TSC2: variants seen among roughly 807,000 people sequenced by gnomAD.
TSC2 encodes tuberin.
Under a neutral mutation model 202.2 loss-of-function variants are expected in TSC2, and 29 were observed. The ratio of observed to expected loss-of-function variants is 0.14; its 90% confidence interval spans 0.11 to 0.20. The LOEUF (loss-of-function observed/expected upper bound fraction) is 0.20, where lower values mean the gene tolerates loss of function less well. TSC2 is among the 10% of genes least tolerant of loss of function. TSC2 has a pLI of 1.00. For missense variants in TSC2, 2,429 were observed against 2,420.0 expected (o/e 1.00, Z -0.08); for synonymous variants, 1,349 against 1,044.0 (o/e 1.29, Z -5.63).
intron 15 of TSC2, 33 bp downstream of exon 15, chr16:2,064,460 G>A: frequency 6.2e-7 from 1 of 1,611,758 alleles, no homozygotes; most frequent in Non-Finnish European, 8.5e-7. Context: ...CCGGGTGCTA[G>A]CGTGCCAGAG....
At chr16:2,061,162 T>C (rs1162956060) in intron 11 of TSC2, 1 of 384,674 alleles carries the variant, frequency 2.6e-6, no homozygotes, top group African/African-American at 2.1e-5. Context: ...CGCATGACTT[T>C]GGAGGACCGC....
chr16:2,086,462 G>A (rs2090806758), intron 37 of TSC2, 83 bp downstream of exon 37: 4 of 1,549,320 alleles, frequency 2.6e-6, no homozygotes, highest in Admixed American at 1.9e-5. Context: ...CACGCCCTGG[G>A]GCATGGCCCT....
At position 2,050,498 on chromosome 16, in the gene TSC2, C is replaced by T. The variant is rs886038352; in HGVS notation, c.225+12C>T. The stretch of plus-strand genomic sequence containing the variant: ...AGAAATTTGAAGAGGTAGGTTTATC[C>T]AGTTGAGCTACTAGAGAGAGGCACG... On this transcript the variant is annotated intron_variant, in intron 3 of 41. Transcript: ENST00000219476. 2 of 1,612,364 alleles carry T rather than the reference C, an allele frequency of 1.2e-6. No homozygotes were observed. Among genetic ancestry groups the T allele is most frequent in the Non-Finnish European group, 1.7e-6 (2 of 1,178,922 alleles).
chr16:2,088,586 G>C lies in TSC2; in HGVS notation c.5400G>C (p.Val1800=), dbSNP rs777327091. The part of the protein sequence containing the change: ...VGQRKRLISS[V]EDFTEFV ...AGCGGAAGCGCCTCATCTCCTCGGTGGAGGACTTCACCGAGTTTGTGTGAG... is the reference window on the plus strand; with the variant it reads ...AGCGGAAGCGCCTCATCTCCTCGGTCGAGGACTTCACCGAGTTTGTGTGAG... Residue 1800 remains valine, a synonymous_variant, in exon 42 of 42, where the codon GTG becomes GTC. Transcript: ENST00000219476. 7 of 1,606,584 alleles carry C rather than the reference G, an allele frequency of 4.4e-6. No homozygotes were observed. In the East Asian group the frequency reaches 1.6e-4, roughly 36 times the overall value.
In TSC2 at chr16:2,055,760, G is replaced by T. The variant is rs534820975; in HGVS notation, c.599+241G>T. 4.6e-3 allele frequency: 2,226 copies of T among 488,580 alleles called. 7 individuals carry two copies. The highest frequency in any genetic ancestry group is 6.5e-3 in the Non-Finnish European group (1,720 of 266,424). The allele number at this position is 488,580 out of a possible 1,614,324, so 30.3% of individuals were successfully genotyped here. ...ACAAAAATTAGCCGGGCATGGTGGTGGGAGCCTGTAATCCCAGCTACTCAG... is the reference window on the plus strand; with the variant it reads ...ACAAAAATTAGCCGGGCATGGTGGTTGGAGCCTGTAATCCCAGCTACTCAG... On this transcript the variant is annotated intron_variant, in intron 6 of 41. Coordinates refer to ENST00000219476, the MANE Select transcript of TSC2 (RefSeq NM_000548.5).
chr16:2,088,269 A>G lies in TSC2; in HGVS notation c.5203A>G (p.Ile1735Val), dbSNP rs781407050. The change falls in exon 41 of 42, where the codon ATC (isoleucine) becomes GTC (valine). Residue 1735 changes from isoleucine to valine, a missense_variant. By Grantham distance (29) the Ile-to-Val change is conservative (BLOSUM62 3). Coordinates refer to ENST00000219476, the MANE Select transcript of TSC2 (RefSeq NM_000548.5). ...VHHSRSNPTD[I>V]YPSKWIARLR... Reference sequence around the variant, plus strand: ...TCATAGCCGCTCCAACCCCACCGATATCTACCCCTCCAAGTGGATTGCCCG... The same window carrying G: ...TCATAGCCGCTCCAACCCCACCGATGTCTACCCCTCCAAGTGGATTGCCCG... 3.7e-6 allele frequency: 6 copies of G among 1,613,072 alleles called. No individual in the cohort carries two copies. The highest frequency in any genetic ancestry group is 5.1e-6 in the Non-Finnish European group (6 of 1,180,004).
chr16:2,065,423 A>T (rs1038363863), intron 15 of TSC2, 96 bp from the exon 16 acceptor site: 19 of 714,626 alleles, frequency 2.7e-5, no homozygotes, highest in Non-Finnish European at 4.3e-5. Context: ...AAAAAAAAAA[A>T]AAAAAAAAAA....
chr16:2,080,059 CTGCCTG>C (rs2089933907), intron 29 of TSC2, 100 bp from the exon 30 acceptor site: 3 of 1,465,712 alleles, frequency 2.0e-6, no homozygotes, highest in Non-Finnish European at 2.8e-6. Flanking sequence ...CCGTCTCTGG[CTGCCTG>C]TGGCACTAGC....
At position 2,077,708 on chromosome 16, in the gene TSC2, C is replaced by G. The variant is rs759786102; in HGVS notation, c.2948C>G (p.Ser983Cys). 13 of 1,612,848 alleles carry G rather than the reference C, an allele frequency of 8.1e-6. No individual in the cohort carries two copies. The highest frequency in any genetic ancestry group is 1.7e-5 in the Admixed American group (1 of 60,000). The change falls in exon 26 of 42, where the codon TCT (serine) becomes TGT (cysteine). Residue 983 changes from serine (S) to cysteine (C), a missense_variant. By Grantham distance (112) the Ser-to-Cys change is moderately radical. Transcript: ENST00000219476. ...EAFRCRSISV[S>C]EHVVRSRIQT... is the part of the protein sequence containing the mutation. ...TTCCGGTGCCGCAGCATCAGTGTGT[C>G]TGAACATGTGGTCCGCAGGTAGCGG...
rs376053649 is a variant in TSC2, at chr16:2,081,459, C to T, written c.3611-136C>T. The T allele has an allele frequency of 8.6e-5, 102 of 1,182,194 alleles. No individual in the cohort carries two copies. In the African/African-American group the frequency reaches 1.3e-3, roughly 15 times the overall value. 73.2% of individuals were successfully genotyped at this position (1,182,194 alleles called of 1,614,324 possible). ...GGTGGCCGTCAGAGCAGCGCTGGCT[C>T]CGACATCGTGGTCCTGAGGATTGTG... On this transcript the variant is annotated intron_variant, in intron 30 of 41. Transcript: ENST00000219476.
chr16:2,080,065 G>C, intron 29 of TSC2, 100 bp from the exon 30 acceptor site: 1 of 1,507,598 alleles, frequency 6.6e-7, no homozygotes, highest in Non-Finnish European at 9.2e-7. Context: ...CTGGCTGCCT[G>C]TGGCACTAGC....
At chr16:2,074,534 C>A (rs937690997) in intron 22 of TSC2, 145 bp downstream of exon 22, 1 of 1,031,494 alleles carries the variant, frequency 9.7e-7, no homozygotes, top group Non-Finnish European at 1.4e-6. Context: ...CGTCTCTGCC[C>A]GGCTGCCATG....
rs528727637 is a variant in TSC2, at chr16:2,061,979, C to G, written c.1228C>G (p.Leu410Val). The G allele has an allele frequency of 6.2e-7, 1 of 1,614,178 alleles. No homozygotes were observed. The highest frequency in any genetic ancestry group is 1.7e-5 in the Admixed American group (1 of 60,030). ...CGGGTCTCAGGAGAGATACTTTGAA[C>G]TGGTGGAGAGATGTGCGGACCAGAG... ...FHGSQERYFE[L>V]VERCADQRPE... is the part of the protein sequence containing the mutation. The change falls in exon 12 of 42, where the codon CTG becomes GTG. Residue 410 changes from leucine to valine, a missense_variant. Transcript: ENST00000219476.
intron 16 of TSC2, among the ~76,000 whole-genome samples, 181 bp downstream of exon 16, chr16:2,065,816 G>T (rs1372867032): frequency 6.6e-6 from 1 of 152,222 alleles, no homozygotes; most frequent in Non-Finnish European, 1.5e-5. Flanking sequence ...AGGGATGGAT[G>T]CAAGAGGCCC....
intron 37 of TSC2, 121 bp from the exon 38 acceptor site, chr16:2,086,611 C>A (rs1428785061): frequency 1.9e-5 from 28 of 1,504,710 alleles, no homozygotes; most frequent in African/African-American, 2.8e-5. Context: ...GGCCAGGCAC[C>A]AGAGGACGTG....
chr16:2,057,409 G>A (rs2086008076), intron 9 of TSC2, among the ~76,000 whole-genome samples: 1 of 152,138 alleles, frequency 6.6e-6, no homozygotes, highest in Non-Finnish European at 1.5e-5. Flanking sequence ...CCTGCCCCAT[G>A]CTCGGACGTC....
intron 3 of TSC2, among the ~76,000 whole-genome samples, chr16:2,052,976 G>A (rs2085315484): frequency 6.6e-6 from 1 of 152,196 alleles, no homozygotes; most frequent in South Asian, 2.1e-4. Context: ...GTGCACTTGT[G>A]GTTCTGAGAC....
intron 32 of TSC2, chr16:2,082,719 C>T: frequency 1.6e-6 from 1 of 635,560 alleles, no homozygotes; most frequent in Non-Finnish European, 2.8e-6. Context: ...AGCCCTGTTC[C>T]CACGCTGTGC....
intron 11 of TSC2, 190 bp downstream of exon 11, chr16:2,061,003 G>T (rs577320094): frequency 1.3e-6 from 1 of 746,464 alleles, no homozygotes; most frequent in Non-Finnish European, 2.2e-6. Context: ...TCCAGACGTG[G>T]TGCATCGTTT....
Sources: gnomAD v4.1 joint callset for allele counts (sites outside exome capture counted in the v4.1 genomes callset) on GRCh38, gnomAD v4.1.1 for gene constraint, MANE v1.5 for transcripts, NCBI Gene and HGNC (gene_info 2026-07-23, HGNC 2026-07-21) for gene names.